SDK1: variants seen among roughly 807,000 people sequenced by gnomAD.
SDK1 encodes protein sidekick-1.
In SDK1, 157 loss-of-function variants were observed where a neutral mutation model predicts 245.5. The observed-to-expected ratio is 0.64, with a 90% CI of 0.56 to 0.73. SDK1 has a LOEUF of 0.73. Ranked by LOEUF, SDK1 falls within the 30% of genes least tolerant of loss-of-function variation. The pLI is 0.00. For missense variants in SDK1, 3,583 were observed against 3,002.3 expected, an observed-to-expected ratio of 1.19 and a Z score of -4.52; for synonymous variants, 1,647 against 1,278.5, an observed-to-expected ratio of 1.29 and a Z score of -6.15.
At chr7:3,754,022 C>G (rs866290337) in intron 4 of SDK1, among the ~76,000 whole-genome samples, 1 of 152,156 alleles carries the variant, frequency 6.6e-6, no homozygotes, top group South Asian at 2.1e-4. Context: ...CCATTCAGGA[C>G]TTCTGCCCAA....
At chr7:3,984,552 T>G (rs1332004818) in intron 13 of SDK1, among the ~76,000 whole-genome samples, 2 of 152,164 alleles carry the variant, frequency 1.3e-5, no homozygotes, top group Non-Finnish European at 2.9e-5. Flanking sequence ...CCATTTCTGT[T>G]GTCTCCCAGG....
In SDK1 at chr7:3,621,503, G is replaced by A. The variant is rs149188934; in HGVS notation, c.458+2264G>A. 8.4e-3 allele frequency among the ~76,000 whole-genome samples: 1,283 copies of A among 152,346 alleles called. 16 individuals are homozygous for A. Among genetic ancestry groups the A allele is most frequent in the Middle Eastern group, 0.024 (7 of 294 alleles). On this transcript the variant is annotated intron_variant, in intron 2 of 44. Coordinates refer to ENST00000404826, the MANE Select transcript of SDK1 (RefSeq NM_152744.4). ...CCTAATAAGAAGTAGGCATGATGTG[G>A]ACAGTGTGTGACAGTGGCCTGGTGG...
chr7:3,745,423 G>A (rs1467173783), intron 4 of SDK1, among the ~76,000 whole-genome samples: 1 of 152,204 alleles, frequency 6.6e-6, no homozygotes, highest in East Asian at 1.9e-4. Flanking sequence ...GTGGTGAAAT[G>A]TTGCATAACT....
intron 8 of SDK1, among the ~76,000 whole-genome samples, chr7:3,961,016 A>T (rs150736283): frequency 6.6e-6 from 1 of 152,224 alleles, no homozygotes; most frequent in Non-Finnish European, 1.5e-5. Flanking sequence ...TTTTCAACAA[A>T]TGACAATCTT....
Position 3,712,672 on chromosome 7 carries a change from A to C in SDK1, c.713+70567A>C, listed in dbSNP as rs143504398. Among the ~76,000 whole-genome samples, 1,447 of 152,318 alleles carry C rather than the reference A, an allele frequency of 9.5e-3. 27 individuals are homozygous for C. Among genetic ancestry groups the C allele is most frequent in the African/African-American group, 0.033 (1,377 of 41,554 alleles). On this transcript the variant is annotated intron_variant, in intron 4 of 44. Transcript: ENST00000404826. ...ACATTTCACTGCCTTCCTGAAGCGC[A>C]TGGCAGTGGGCATATGAACAGACAT...
chr7:3,980,401 C>T (rs181100098), intron 13 of SDK1, among the ~76,000 whole-genome samples: 3 of 152,324 alleles, frequency 2.0e-5, no homozygotes, highest in East Asian at 1.9e-4. Context: ...CACTGGGCTT[C>T]GCTTCCATTG....
chr7:3,353,152 G>A (rs1780704730), intron 1 of SDK1, among the ~76,000 whole-genome samples: 1 of 151,708 alleles, frequency 6.6e-6, no homozygotes, highest in Non-Finnish European at 1.5e-5. Flanking sequence ...TCCCTTTTCT[G>A]AGTAGAGGAT....
rs950655617 is a variant in SDK1, at chr7:3,461,579, C to T, written c.299-157501C>T. On this transcript the variant is annotated intron_variant, in intron 1 of 44. Coordinates refer to ENST00000404826, the MANE Select transcript of SDK1 (RefSeq NM_152744.4). ...AAGTATAAAAATCTGGATTAGAATC[C>T]TCCGGTCACTTAGTAGTTGTGTGAC... Among the ~76,000 whole-genome samples, 3 of 152,134 alleles carry T rather than the reference C, an allele frequency of 2.0e-5. No homozygotes were observed. In the South Asian group the frequency reaches 6.2e-4, roughly 32 times the overall value.
chr7:3,878,256 C>A (rs1412277080), intron 5 of SDK1, among the ~76,000 whole-genome samples: 1 of 152,154 alleles, frequency 6.6e-6, no homozygotes, highest in Admixed American at 6.5e-5. Context: ...TGCGGTGGCT[C>A]ACGCCTGTAA....
chr7:3,656,858 C>T (rs917257291), intron 4 of SDK1, among the ~76,000 whole-genome samples: 36 of 152,066 alleles, frequency 2.4e-4, no homozygotes, highest in Non-Finnish European at 2.6e-4. Flanking sequence ...CACCATTCTC[C>T]TGCCTCAGCC....
intron 1 of SDK1, among the ~76,000 whole-genome samples, chr7:3,326,293 G>A (rs1218340984): frequency 6.6e-6 from 1 of 152,058 alleles, no homozygotes; most frequent in East Asian, 1.9e-4. Flanking sequence ...CATATCTAAT[G>A]GGATCAAATT....
chr7:4,263,649 G>A (rs1377831079), intron 44 of SDK1, among the ~76,000 whole-genome samples: 4 of 13,868 alleles, frequency 2.9e-4, no homozygotes, highest in Admixed American at 7.8e-4. Flanking sequence ...GGGAGGCCGC[G>A]TAGACGTCTC....
intron 5 of SDK1, among the ~76,000 whole-genome samples, chr7:3,883,380 G>A (rs1214824651): frequency 2.0e-5 from 3 of 152,184 alleles, no homozygotes; most frequent in Non-Finnish European, 4.4e-5. Flanking sequence ...GTGCCTGAAC[G>A]GCTAAGTGCT....
intron 1 of SDK1, among the ~76,000 whole-genome samples, chr7:3,524,105 TG>T (rs764081992): frequency 2.0e-4 from 30 of 152,164 alleles, no homozygotes; most frequent in Non-Finnish European, 4.0e-4. Context: ...AGCAAAGACC[TG>T]CAGGAAGGAA....
Position 3,333,914 on chromosome 7 carries a change from C to T in SDK1, c.298+32030C>T, listed in dbSNP as rs116152670. ...TGCCAGGGTGGCCAGCATCCTAGCCCAGGCATGGGGCTGCTGATTTGGCTG... is the reference window on the plus strand; with the variant it reads ...TGCCAGGGTGGCCAGCATCCTAGCCTAGGCATGGGGCTGCTGATTTGGCTG... On this transcript the variant is annotated intron_variant, in intron 1 of 44. Transcript: ENST00000404826. Among the ~76,000 whole-genome samples, 166 of 152,320 alleles carry T rather than the reference C, an allele frequency of 1.1e-3. 1 individual carries two copies. The highest frequency in any genetic ancestry group is 3.8e-3 in the African/African-American group (156 of 41,574).
At chr7:3,584,700 C>T (rs1008246731) in intron 1 of SDK1, among the ~76,000 whole-genome samples, 2 of 151,148 alleles carry the variant, frequency 1.3e-5, no homozygotes, top group African/African-American at 4.9e-5. Flanking sequence ...TGTGCCCTTG[C>T]TGAAATTGGG....
At position 3,958,856 on chromosome 7, in the gene SDK1, C is replaced by A. The variant is rs188412768; in HGVS notation, c.1151-75C>A. On this transcript the variant is annotated intron_variant, in intron 7 of 44. Coordinates refer to ENST00000404826, the MANE Select transcript of SDK1 (RefSeq NM_152744.4). ...AAGAATGGTTTTTAAGAGGAGCCCA[C>A]ACTATCTTAGGTTATATGGTCTCTG... The A allele has an allele frequency of 3.5e-4, 396 of 1,141,230 alleles. 2 individuals carry two copies. In the African/African-American group the frequency reaches 5.6e-3, roughly 16 times the overall value. 70.7% of individuals were successfully genotyped at this position (1,141,230 alleles called of 1,614,324 possible).
chr7:4,199,155 T>C (rs1015626525), intron 35 of SDK1, among the ~76,000 whole-genome samples: 1 of 151,964 alleles, frequency 6.6e-6, no homozygotes, highest in African/African-American at 2.4e-5. Context: ...CTCCAACAGG[T>C]TGAATTTTGT....
At chr7:3,777,935 G>A (rs935282426) in intron 4 of SDK1, among the ~76,000 whole-genome samples, 1 of 152,164 alleles carries the variant, frequency 6.6e-6, no homozygotes, top group Admixed American at 6.5e-5. Flanking sequence ...AAAAGCCACA[G>A]CTTCATGCTG....
Sources: gnomAD v4.1 joint callset for allele counts (sites outside exome capture counted in the v4.1 genomes callset) on GRCh38, gnomAD v4.1.1 for gene constraint, MANE v1.5 for transcripts, NCBI Gene and HGNC (gene_info 2026-07-23, HGNC 2026-07-21) for gene names.